The following SEMA6C variants were observed in gnomAD, a reference collection of about 807,000 sequenced individuals.
SEMA6C encodes the protein semaphorin 6C, also known as semaphorin-6C.
A neutral mutation model predicts 72.9 loss-of-function variants in SEMA6C; 37 were observed. The observed-to-expected ratio is 0.51, with a 90% confidence interval of 0.39 to 0.67. SEMA6C has a LOEUF of 0.67. Ranked by LOEUF, SEMA6C falls within the 30% of genes least tolerant of loss-of-function variation. The probability of loss-of-function intolerance (pLI) is 0.00; values close to 1 mark genes in which losing one functional copy is unlikely to be tolerated. For synonymous variants in SEMA6C, 578 were observed against 554.1 expected (o/e 1.04, Z -0.61); for missense variants, 1,189 against 1,263.6 (o/e 0.94, Z 0.89).
chr1:151,141,443 CTT>C lies in SEMA6C; in HGVS notation c.118+1059_118+1060del, dbSNP rs587735118. Among the ~76,000 whole-genome samples the C allele has an allele frequency of 2.9e-4, 44 of 152,266 alleles. No homozygotes were observed. The South Asian group carries it at 8.3e-3, about 29-fold the overall frequency. ...TTGTTTTTTGAGACGGAGCTTCACTCTTGTTGCCCATGCTAGAGTGAAATGGC... is the reference window on the plus strand; with the variant it reads ...TTGTTTTTTGAGACGGAGCTTCACTCGTTGCCCATGCTAGAGTGAAATGGC... On this transcript the variant is annotated intron_variant, in intron 3 of 18. Transcript: ENST00000368914.
At position 151,133,959 on chromosome 1, in the gene SEMA6C, C is replaced by T. The variant is rs1231732109; in HGVS notation, c.1759+442G>A. 8 of 1,547,758 alleles carry T rather than the reference C, an allele frequency of 5.2e-6. No individual in the cohort carries two copies. The highest frequency in any genetic ancestry group is 6.1e-6 in the Non-Finnish European group (7 of 1,144,774). ...CTATCTCTCCCAAGTAGCCCCCTTACCCCGAGTGTGAACTCCAAGAGTGGA... is the reference window on the plus strand; with the variant it reads ...CTATCTCTCCCAAGTAGCCCCCTTATCCCGAGTGTGAACTCCAAGAGTGGA... On this transcript the variant is annotated intron_variant, in intron 18 of 18. Transcript: ENST00000368914. The surrounding 1 kb of genome is among the most constrained non-coding windows in gnomAD (Gnocchi z 5.9).
At chr1:151,135,863 C>T in intron 13 of SEMA6C, 99 bp from the exon 14 acceptor site, 1 of 1,513,938 alleles carries the variant, frequency 6.6e-7, no homozygotes, top group Non-Finnish European at 9.0e-7. Flanking sequence ...GTGCCCTTCC[C>T]CCAGGCCCCA....
intron 6 of SEMA6C, 64 bp from the exon 7 acceptor site, chr1:151,138,795 G>C (rs1682274215): frequency 7.4e-7 from 1 of 1,347,532 alleles, no homozygotes. Flanking sequence ...GGAGGTAATA[G>C]AAAGGTGGGC....
chr1:151,142,497 C>A lies in SEMA6C; in HGVS notation c.118+7G>T. ...GAGATGGGGCAAGGTAGGTACTGGGCACTCACCTTGAAGGTCAGAGATCAA... is the reference window on the plus strand; with the variant it reads ...GAGATGGGGCAAGGTAGGTACTGGGAACTCACCTTGAAGGTCAGAGATCAA... On this transcript the variant is annotated splice_region_variant and intron_variant, in intron 3 of 18. Transcript: ENST00000368914. 3 of 1,613,282 alleles carry A rather than the reference C, an allele frequency of 1.9e-6. No homozygotes were observed. The highest frequency in any genetic ancestry group is 2.5e-6 in the Non-Finnish European group (3 of 1,179,804).
chr1:151,135,479 C>T, intron 14 of SEMA6C, 112 bp downstream of exon 14: 5 of 1,460,916 alleles, frequency 3.4e-6, no homozygotes, highest in Non-Finnish European at 4.7e-6. Context: ...TAGCCCAGAG[C>T]TCCCACCCTG....
chr1:151,132,643 AC>A lies in SEMA6C; in HGVS notation c.2633del (p.Gly878ValfsTer20), dbSNP rs1237933049. On this transcript the variant is annotated frameshift_variant, in exon 19 of 19. Coordinates refer to ENST00000368914, the MANE Select transcript of SEMA6C (RefSeq NM_030913.6). LOFTEE classifies it low-confidence loss of function (END_TRUNC). ...CCAGGTACAGGAGGTGCTTCCCGGG[AC>A]CCCCGGAGTACCTGGAGGGACCTCC... ...PSGGPSRYSG[G>X]PGKHLLYLGR... 4 of 1,549,672 alleles carry A rather than the reference AC, an allele frequency of 2.6e-6. No individual in the cohort carries two copies. The highest frequency in any genetic ancestry group is 3.5e-6 in the Non-Finnish European group (4 of 1,146,700).
At chr1:151,137,892 A>T in intron 9 of SEMA6C, 93 bp from the exon 10 acceptor site, 1 of 1,580,426 alleles carries the variant, frequency 6.3e-7, no homozygotes, top group African/African-American at 1.3e-5. Context: ...TTGCATACAT[A>T]CACACTACCA....
At position 151,140,774 on chromosome 1, in the gene SEMA6C, C is replaced by G. The variant is rs587774598; in HGVS notation, c.119-684G>C. Among the ~76,000 whole-genome samples, 1,024 of 152,346 alleles carry G rather than the reference C, an allele frequency of 6.7e-3. 3 individuals carry two copies. The highest frequency in any genetic ancestry group is 0.01 in the Non-Finnish European group (712 of 68,034). On this transcript the variant is annotated intron_variant, in intron 3 of 18. Transcript: ENST00000368914. ...CTTTGGGAGGCCGAGGCGGGCGGAT[C>G]ACAAGGTCAGGAGATCGAGACCATC...
chr1:151,135,237 C>G lies in SEMA6C; in HGVS notation c.1506G>C (p.Arg502Ser). 6.2e-7 allele frequency: 1 copy of G among 1,614,244 alleles called. No individual in the cohort carries two copies. Among genetic ancestry groups the G allele is most frequent in the African/African-American group, 1.3e-5 (1 of 75,056 alleles). Residue 502 changes from arginine to serine, a missense_variant, in exon 15 of 19, where the codon AGG becomes AGC. Physicochemically the swap from Arg to Ser is moderately radical, Grantham distance 110. This residue lies in a region of SEMA6C where 721 missense variants were observed against 686.2 expected (regional missense o/e 1.05). Coordinates refer to ENST00000368914, the MANE Select transcript of SEMA6C (RefSeq NM_030913.6). ...TACAGCCAGAAAAAGCCACAAAAAG[C>G]CTGTGACCCTCAGTGTCCAGCTCCA... The part of the protein sequence containing the change: ...IGLELDTEGH[R>S]LFVAFSGCIV...
chr1:151,137,216 T>C (rs1474868663), intron 10 of SEMA6C, 142 bp from the exon 11 acceptor site: 14 of 662,896 alleles, frequency 2.1e-5, no homozygotes, highest in South Asian at 3.6e-5. Flanking sequence ...GAGGCTGAGG[T>C]GGGTGGATCA....
chr1:151,133,075 G>A lies in SEMA6C; in HGVS notation c.2202C>T (p.Arg734=), dbSNP rs767982565. The A allele has an allele frequency of 8.0e-6, 12 of 1,503,406 alleles. No individual in the cohort carries two copies. The allele number at this position is 1,503,406 out of a possible 1,614,324, so 93.1% of individuals were successfully genotyped here. A position where few individuals can be genotyped will look rare whatever the true frequency, so the allele number is the denominator to read the frequency against. Residue 734 remains arginine (R), a synonymous_variant, in exon 19 of 19, where the codon CGC becomes CGT. Transcript: ENST00000368914. The surrounding 1 kb of genome is among the most constrained non-coding windows in gnomAD (Gnocchi z 5.9). ...NRNNAKEGPG[R]SRGGHAAGGP... ...CGCCCGCCGCGTGCCCGCCCCGTGA[G>A]CGGCCCGGACCCTCCTTGGCGTTGT... is the stretch of plus-strand genomic sequence containing the variant.
chr1:151,137,793 T>C lies in SEMA6C; in HGVS notation c.674A>G (p.His225Arg). ...KYDSKWLREP[H>R]FVQALEHGDH... ...TCCATGCTCCAAGGCCTGGACAAAG[T>C]GTGGCTCTAAGATGGGGAATGACAG... Residue 225 changes from histidine (H) to arginine (R), a missense_variant, in exon 10 of 19, where the codon CAC (histidine) becomes CGC (arginine). Transcript: ENST00000368914. 1 of 1,612,906 alleles carries C rather than the reference T, an allele frequency of 6.2e-7. No homozygotes were observed. The highest frequency in any genetic ancestry group is 1.1e-5 in the South Asian group (1 of 91,002).
At position 151,132,163 on chromosome 1, in the gene SEMA6C, G is replaced by T. The variant is rs1044662139; in HGVS notation, c.*321C>A. On this transcript the variant is annotated 3_prime_UTR_variant, in exon 19 of 19. Transcript: ENST00000368914. The stretch of plus-strand genomic sequence containing the variant: ...GGACACAGCGCGCGCGGCCCGCCCG[G>T]GGCACAGTCTCTGGGGGAGCCCCGA... 7 of 1,399,242 alleles carry T rather than the reference G, an allele frequency of 5.0e-6. No individual in the cohort carries two copies. The African/African-American group carries it at 1.0e-4, about 20-fold the overall frequency. The allele number at this position is 1,399,242 out of a possible 1,614,324, so 86.7% of individuals were successfully genotyped here.
At chr1:151,134,483 G>A in intron 17 of SEMA6C, 38 bp from the exon 18 acceptor site, 1 of 1,607,982 alleles carries the variant, frequency 6.2e-7, no homozygotes, top group Non-Finnish European at 8.5e-7. Context: ...GGGGGAAAGA[G>A]AAGCTTCATG....
intron 7 of SEMA6C, 37 bp from the exon 8 acceptor site, chr1:151,138,443 G>C: frequency 1.9e-6 from 3 of 1,589,426 alleles, no homozygotes; most frequent in Non-Finnish European, 2.6e-6. Context: ...GAACCTTTAG[G>C]GTCTTGGAGT....
Position 151,132,377 on chromosome 1 carries a change from G to C in SEMA6C, c.*107C>G. The C allele has an allele frequency of 6.5e-7, 1 of 1,530,626 alleles. No homozygotes were observed. The highest frequency in any genetic ancestry group is 8.8e-7 in the Non-Finnish European group (1 of 1,136,798). The allele number at this position is 1,530,626 out of a possible 1,614,324, so 94.8% of individuals were successfully genotyped here. ...CTCGGGAGACTCTGCGAGTCGGGAAGGCTGGAGGTGCGGGGCGAGGGGGCG... is the reference window on the plus strand; with the variant it reads ...CTCGGGAGACTCTGCGAGTCGGGAACGCTGGAGGTGCGGGGCGAGGGGGCG... On this transcript the variant is annotated 3_prime_UTR_variant, in exon 19 of 19. Coordinates refer to ENST00000368914, the MANE Select transcript of SEMA6C (RefSeq NM_030913.6).
intron 1 of SEMA6C, 137 bp from the exon 2 acceptor site, chr1:151,144,571 G>A (rs1331424790): frequency 1.3e-5 from 2 of 152,428 alleles, no homozygotes; most frequent in Non-Finnish European, 1.5e-5. Flanking sequence ...AAATGGGAGG[G>A]GGCTGATGAC....
Position 151,132,098 on chromosome 1 carries a change from A to C in SEMA6C, c.*386T>G. On this transcript the variant is annotated 3_prime_UTR_variant, in exon 19 of 19. Coordinates refer to ENST00000368914, the MANE Select transcript of SEMA6C (RefSeq NM_030913.6). ...TGGGAAGCGGAGGCTCCTACACAGT[A>C]GGAGAGGCACGTCCCAGACCCAGAA... 1.3e-5 allele frequency: 10 copies of C among 784,322 alleles called. No homozygotes were observed. Among genetic ancestry groups the C allele is most frequent in the Non-Finnish European group, 1.8e-5 (10 of 563,984 alleles). The allele number at this position is 784,322 out of a possible 1,614,324, so 48.6% of individuals were successfully genotyped here.
Position 151,133,305 on chromosome 1 carries a change from G to A in SEMA6C, c.1972C>T (p.His658Tyr). 1 of 1,584,486 alleles carries A rather than the reference G, an allele frequency of 6.3e-7. No homozygotes were observed. The highest frequency in any genetic ancestry group is 8.6e-7 in the Non-Finnish European group (1 of 1,169,014). ...PLSLRSLARL[H>Y]GGGPEPPPPS... Reference sequence around the variant, plus strand: ...GGCGGGGGCTCTGGGCCCCCACCGTGGAGCCGGGCCAAACTGCGGAGGGAG... The same window carrying A: ...GGCGGGGGCTCTGGGCCCCCACCGTAGAGCCGGGCCAAACTGCGGAGGGAG... Residue 658 changes from histidine to tyrosine, a missense_variant, in exon 19 of 19, where the codon CAC (histidine) becomes TAC (tyrosine). By Grantham distance (83) the His-to-Tyr change is moderately conservative. Around this residue, in one of 2 missense-constraint regions of SEMA6C, gnomAD observed 721 missense variants for 686.2 expected, o/e 1.05. Transcript: ENST00000368914. The surrounding 1 kb of genome is among the most constrained non-coding windows in gnomAD (Gnocchi z 5.9).
Sources: allele counts gnomAD v4.1 joint callset (sites outside exome capture counted in the v4.1 genomes callset), GRCh38; gene constraint gnomAD v4.1.1; regional missense constraint gnomAD v4.1.1; non-coding constraint Gnocchi (gnomAD v3.1); transcripts MANE v1.5; gene names NCBI Gene and HGNC (gene_info 2026-07-23, HGNC 2026-07-21).